Variants in SGMS1 observed in about 807,000 individuals in gnomAD.
The protein encoded by SGMS1 is sphingomyelin synthase 1.
In SGMS1, 13 loss-of-function variants were observed where a neutral mutation model predicts 46.2. That is an observed-to-expected ratio of 0.28 (90% confidence interval 0.18 to 0.45). SGMS1 has a LOEUF of 0.45. Ranked by LOEUF, SGMS1 falls within the 20% of genes least tolerant of loss-of-function variation. SGMS1 has a pLI of 1.00. For missense variants in SGMS1, 324 were observed against 519.9 expected, an observed-to-expected ratio of 0.62 and a Z score of 3.66; for synonymous variants, 203 against 187.8, an observed-to-expected ratio of 1.08 and a Z score of -0.66.
rs189542721 is a variant in SGMS1 at position 50,538,333 on chromosome 10, C to T, written c.-588-18412G>A. ...ATTAGCCGGGCGTGGTGGTGGGTGC[C>T]TGTAGTCCCAGCTACTCAGGAGGCT... On this transcript the variant is annotated intron_variant, in intron 2 of 10. Coordinates refer to ENST00000361781, the MANE Select transcript of SGMS1 (RefSeq NM_147156.4). Among the ~76,000 whole-genome samples the T allele has an allele frequency of 3.3e-3, 499 of 150,458 alleles. 1 individual carries two copies. The highest frequency in any genetic ancestry group is 4.3e-3 in the Non-Finnish European group (289 of 67,586).
At chr10:50,389,175 T>A (rs914672987) in intron 6 of SGMS1, among the ~76,000 whole-genome samples, 1 of 152,170 alleles carries the variant, frequency 6.6e-6, no homozygotes, top group Non-Finnish European at 1.5e-5. Context: ...AAGAATACTA[T>A]GGGTAGAGGT....
intron 6 of SGMS1, among the ~76,000 whole-genome samples, chr10:50,399,507 A>T (rs1024731432): frequency 6.6e-6 from 1 of 152,228 alleles, no homozygotes; most frequent in East Asian, 1.9e-4. Context: ...AATGTGTTAA[A>T]TTATATACAA....
At position 50,430,311 on chromosome 10, in the gene SGMS1, A is replaced by G. The variant is rs180868003; in HGVS notation, c.-232+3165T>C. Reference sequence around the variant, plus strand: ...ACACATGGAATGCTATATATTATGTATACATCTACAATTATGTAGATGTAT... The same window carrying G: ...ACACATGGAATGCTATATATTATGTGTACATCTACAATTATGTAGATGTAT... On this transcript the variant is annotated intron_variant, in intron 6 of 10. Coordinates refer to ENST00000361781, the MANE Select transcript of SGMS1 (RefSeq NM_147156.4). Among the ~76,000 whole-genome samples, 43 of 152,284 alleles carry G rather than the reference A, an allele frequency of 2.8e-4. 1 individual carries two copies. In the East Asian group the frequency reaches 7.3e-3, roughly 26 times the overall value.
intron 1 of SGMS1, among the ~76,000 whole-genome samples, chr10:50,622,310 T>G (rs969120537): frequency 6.6e-6 from 1 of 152,062 alleles, no homozygotes; most frequent in African/African-American, 2.4e-5. Flanking sequence ...GCCAACCCCT[T>G]TCCATCTGGG....
intron 6 of SGMS1, among the ~76,000 whole-genome samples, chr10:50,389,935 T>C (rs1194524068): frequency 3.3e-5 from 5 of 152,266 alleles, no homozygotes; most frequent in Non-Finnish European, 5.9e-5. Flanking sequence ...GAACTTTGGT[T>C]TCACAACATT....
chr10:50,394,522 A>G (rs1460912340), intron 6 of SGMS1, among the ~76,000 whole-genome samples: 1 of 152,246 alleles, frequency 6.6e-6, no homozygotes, highest in Non-Finnish European at 1.5e-5. Flanking sequence ...TCAATTACCC[A>G]TAACTGTCAA....
At chr10:50,443,585 A>T (rs1438583905) in intron 5 of SGMS1, among the ~76,000 whole-genome samples, 2 of 152,116 alleles carry the variant, frequency 1.3e-5, no homozygotes, top group Admixed American at 6.6e-5. Flanking sequence ...ATTTTCACAC[A>T]AATGAAAATG....
intron 5 of SGMS1, among the ~76,000 whole-genome samples, chr10:50,439,756 C>T (rs1209205083): frequency 6.6e-6 from 1 of 152,112 alleles, no homozygotes; most frequent in Non-Finnish European, 1.5e-5. Flanking sequence ...CTGAAATGCT[C>T]CCAAAATAGG....
At chr10:50,581,523 T>C (rs531333615) in intron 2 of SGMS1, among the ~76,000 whole-genome samples, 1 of 152,184 alleles carries the variant, frequency 6.6e-6, no homozygotes, top group Admixed American at 6.5e-5. Context: ...TTTTCTCAGA[T>C]GTAAAATGGG....
intron 1 of SGMS1, among the ~76,000 whole-genome samples, chr10:50,603,829 A>G (rs564124950): frequency 6.6e-6 from 1 of 152,310 alleles, no homozygotes; most frequent in East Asian, 1.9e-4. Flanking sequence ...AGTGTACAAA[A>G]TTTATCTTCC....
chr10:50,545,362 T>C (rs1010341433), intron 2 of SGMS1, among the ~76,000 whole-genome samples: 2 of 152,290 alleles, frequency 1.3e-5, no homozygotes, highest in East Asian at 1.9e-4. Context: ...AGTCGACTCA[T>C]GGGTTGGTAA....
chr10:50,445,828 G>A (rs2133647577), intron 5 of SGMS1, among the ~76,000 whole-genome samples: 2 of 152,316 alleles, frequency 1.3e-5, no homozygotes, highest in South Asian at 4.1e-4. Context: ...GGGTGGAACA[G>A]AGCCATATTT....
intron 6 of SGMS1, among the ~76,000 whole-genome samples, chr10:50,371,074 G>T (rs1232663555): frequency 6.6e-6 from 1 of 152,150 alleles, no homozygotes. Flanking sequence ...AATTATATAT[G>T]CTATGCTTTT....
chr10:50,326,976 C>G (rs984295265), intron 8 of SGMS1, among the ~76,000 whole-genome samples: 18 of 133,000 alleles, frequency 1.4e-4, no homozygotes, highest in Middle Eastern at 7.9e-3. Context: ...AAGAACTACA[C>G]AAAGCTTAAC....
chr10:50,509,440 T>A (rs1489808346), intron 3 of SGMS1, among the ~76,000 whole-genome samples: 1 of 152,166 alleles, frequency 6.6e-6, no homozygotes, highest in Non-Finnish European at 1.5e-5. Context: ...GATAAGCCAT[T>A]CTAGGAAAAT....
At chr10:50,606,553 A>T (rs1408021708) in intron 1 of SGMS1, among the ~76,000 whole-genome samples, 2 of 152,250 alleles carry the variant, frequency 1.3e-5, no homozygotes, top group Non-Finnish European at 2.9e-5. Context: ...ATATTTTAAA[A>T]CTATAAAAAT....
At chr10:50,323,420 G>A (rs1455377446) in intron 8 of SGMS1, among the ~76,000 whole-genome samples, 1 of 152,112 alleles carries the variant, frequency 6.6e-6, no homozygotes, top group Non-Finnish European at 1.5e-5. Context: ...AACTGTCAGA[G>A]TATCCACCAA....
intron 7 of SGMS1, among the ~76,000 whole-genome samples, chr10:50,332,478 T>C (rs1167896575): frequency 6.6e-6 from 1 of 152,136 alleles, no homozygotes; most frequent in Non-Finnish European, 1.5e-5. Flanking sequence ...CTGTGGAAGC[T>C]AACTAACTCC....
At position 50,383,935 on chromosome 10, in the gene SGMS1, G is replaced by C. The variant is rs962471978; in HGVS notation, c.-231-39590C>G. Among the ~76,000 whole-genome samples, 4 of 152,250 alleles carry C rather than the reference G, an allele frequency of 2.6e-5. No homozygotes were observed. In the East Asian group the frequency reaches 5.8e-4, roughly 22 times the overall value. On this transcript the variant is annotated intron_variant, in intron 6 of 10. Coordinates refer to ENST00000361781, the MANE Select transcript of SGMS1 (RefSeq NM_147156.4). ...ATACACTGAATATAGACCTTTTGGG[G>C]ATAATTAGATCATGATAGCAGAGCC...
Sources: gnomAD v4.1 joint callset for allele counts (sites outside exome capture counted in the v4.1 genomes callset) on GRCh38, gnomAD v4.1.1 for gene constraint, MANE v1.5 for transcripts, NCBI Gene and HGNC (gene_info 2026-07-23, HGNC 2026-07-21) for gene names.